HSPD1: variants seen among roughly 807,000 people sequenced by gnomAD.
The protein encoded by HSPD1 is heat shock protein family D (Hsp60) member 1, also known as 60 kDa heat shock protein, mitochondrial.
HSPD1 carries 3 observed loss-of-function variants against 53.0 expected under a neutral mutation model. The observed-to-expected ratio is 0.06, with a 90% CI of 0.03 to 0.15. HSPD1 has a LOEUF of 0.15. HSPD1 is among the 10% of genes least tolerant of loss of function. The pLI is 1.00. For missense variants in HSPD1, 431 were observed against 694.1 expected, an observed-to-expected ratio of 0.62 and a Z score of 4.26; for synonymous variants, 200 against 228.0, an observed-to-expected ratio of 0.88 and a Z score of 1.10.
intron 6 of HSPD1, 115 bp downstream of exon 6, chr2:197,494,042 C>T (rs1574600802): frequency 6.4e-6 from 4 of 626,688 alleles, no homozygotes; most frequent in East Asian, 2.9e-5. Flanking sequence ...GCGGAGGTTG[C>T]AGTGAGCAAC....
Position 197,487,320 on chromosome 2 carries a change from G to A in HSPD1, c.1570-122C>T. On this transcript the variant is annotated intron_variant, in intron 11 of 11. Coordinates refer to ENST00000388968, the MANE Select transcript of HSPD1 (RefSeq NM_002156.5). ...CCAGCACTTTGGGAGGCTGAGGCAG[G>A]TAGATGACTTGAGGTTAGGAGTTCA... 3.6e-6 allele frequency: 3 copies of A among 836,036 alleles called. No individual in the cohort carries two copies. The South Asian group carries it at 4.4e-5, about 12-fold the overall frequency. The allele number at this position is 836,036 out of a possible 1,614,324, so 51.8% of individuals were successfully genotyped here. A position where few individuals can be genotyped will look rare whatever the true frequency, so the allele number is the denominator to read the frequency against.
At chr2:197,496,030 A>AG (rs1488513660) in intron 3 of HSPD1, among the ~76,000 whole-genome samples, 3 of 152,322 alleles carry the variant, frequency 2.0e-5, no homozygotes, top group African/African-American at 7.2e-5. Flanking sequence ...ATGATGCAAA[A>AG]AAGGACCAAA....
In HSPD1 at chr2:197,497,526, G is replaced by C. The variant is rs180881489; in HGVS notation, c.175-134C>G. 4.6e-6 allele frequency: 4 copies of C among 870,456 alleles called. No individual in the cohort carries two copies. The East Asian group carries it at 1.0e-4, about 22-fold the overall frequency. The allele number at this position is 870,456 out of a possible 1,614,324, so 53.9% of individuals were successfully genotyped here. A position where few individuals can be genotyped will look rare whatever the true frequency, so the allele number is the denominator to read the frequency against. Reference sequence around the variant, plus strand: ...TTGTGTCATTTTTATCAGTCTTGCAGCATGAACCTCAAGGGCAAGTTTATC... The same window carrying C: ...TTGTGTCATTTTTATCAGTCTTGCACCATGAACCTCAAGGGCAAGTTTATC... On this transcript the variant is annotated intron_variant, in intron 2 of 11. Transcript: ENST00000388968.
In HSPD1 at chr2:197,487,730, C is replaced by T. The variant is rs2086043822; in HGVS notation, c.1569+128G>A. ...TGTACATGAGAATTGTTGATGGGCA[C>T]AAGAGCTATTGCTGTTGCTACTGCT... On this transcript the variant is annotated intron_variant, in intron 11 of 11. Transcript: ENST00000388968. 4 of 738,732 alleles carry T rather than the reference C, an allele frequency of 5.4e-6. No homozygotes were observed. The East Asian group carries it at 1.1e-4, about 20-fold the overall frequency. 45.8% of individuals were successfully genotyped at this position (738,732 alleles called of 1,614,324 possible).
chr2:197,496,363 C>T (rs2086156907), intron 3 of HSPD1, among the ~76,000 whole-genome samples: 1 of 151,998 alleles, frequency 6.6e-6, no homozygotes, highest in South Asian at 2.1e-4. Flanking sequence ...TTCACTTGGC[C>T]CATAAACACT....
intron 4 of HSPD1, 197 bp from the exon 5 acceptor site, chr2:197,494,949 G>A (rs1466888392): frequency 3.2e-6 from 2 of 617,992 alleles, no homozygotes; most frequent in Non-Finnish European, 5.8e-6. Flanking sequence ...TTGTTTTGAA[G>A]AATATGATAC....
At position 197,489,240 on chromosome 2, in the gene HSPD1, C is replaced by G. The variant is rs370073151; in HGVS notation, c.977G>C (p.Gly326Ala). Residue 326 changes from glycine (G) to alanine (A), a missense_variant, in exon 9 of 12, where the codon GGA becomes GCA. Gly to Ala is a moderately conservative substitution (Grantham distance 60). Transcript: ENST00000388968. ...MAIATGGAVFGEEGLTLNLED... is the reference protein window; with the variant it reads ...MAIATGGAVFAEEGLTLNLED... ...AAGATTCAGGGTCAATCCCTCTTCT[C>G]CAAACACCTACAAAAAGAGTTAAAC... is the stretch of plus-strand genomic sequence containing the variant. The G allele has an allele frequency of 9.3e-6, 15 of 1,614,068 alleles. No individual in the cohort carries two copies. Among genetic ancestry groups the G allele is most frequent in the East Asian group, 6.7e-5 (3 of 44,898 alleles).
chr2:197,495,484 AAAAAAT>A, intron 3 of HSPD1, 108 bp from the exon 4 acceptor site: 1 of 828,006 alleles, frequency 1.2e-6, no homozygotes, highest in East Asian at 2.6e-5. Context: ...AACTTAAAAA[AAAAAAT>A]TTTTTTTTTT....
rs1452422627 is a variant in HSPD1, at chr2:197,488,510, CCA to C, written c.1216-21_1216-20del. On this transcript the variant is annotated intron_variant, in intron 9 of 11. Transcript: ENST00000388968. Reference sequence around the variant, plus strand: ...CACCAACCTAAAGACGAAAAGAATTCCAGTTAGTATGGCCTCTTCATTCAAGA... The same window carrying C: ...CACCAACCTAAAGACGAAAAGAATTCGTTAGTATGGCCTCTTCATTCAAGA... The C allele has an allele frequency of 6.2e-7, 1 of 1,608,610 alleles. No homozygotes were observed. The highest frequency in any genetic ancestry group is 8.5e-7 in the Non-Finnish European group (1 of 1,175,148).
At chr2:197,493,023 A>G (rs763654230) in intron 7 of HSPD1, among the ~76,000 whole-genome samples, 1 of 152,128 alleles carries the variant, frequency 6.6e-6, no homozygotes. Flanking sequence ...AAAAAATACA[A>G]GATTCAGTCA....
intron 3 of HSPD1, 40 bp from the exon 4 acceptor site, chr2:197,495,416 T>G: frequency 8.3e-7 from 1 of 1,211,462 alleles, no homozygotes; most frequent in Non-Finnish European, 1.2e-6. Context: ...TTTATTTCTC[T>G]CATGGCTTCT....
rs543860374 is a variant in HSPD1 at position 197,493,758 on chromosome 2, A to G, written c.701-266T>C. ...AGCAGGCAGATGACTTGAGGCCAGG[A>G]ATTCAAAACCAGCCTGGCCAACATG... On this transcript the variant is annotated intron_variant, in intron 6 of 11. Coordinates refer to ENST00000388968, the MANE Select transcript of HSPD1 (RefSeq NM_002156.5). 2.0e-5 allele frequency among the ~76,000 whole-genome samples: 3 copies of G among 152,340 alleles called. No homozygotes were observed. The South Asian group carries it at 6.2e-4, about 32-fold the overall frequency.
chr2:197,497,249 A>C lies in HSPD1; in HGVS notation c.318T>G (p.Asn106Lys). 6.2e-7 allele frequency: 1 copy of C among 1,614,052 alleles called. No homozygotes were observed. The highest frequency in any genetic ancestry group is 8.5e-7 in the Non-Finnish European group (1 of 1,179,952). The change falls in exon 3 of 12, where the codon AAT becomes AAG. Residue 106 changes from asparagine (N) to lysine (K), a missense_variant. By Grantham distance (94) the Asn-to-Lys change is moderately conservative. Coordinates refer to ENST00000388968, the MANE Select transcript of HSPD1 (RefSeq NM_002156.5). ...TGGTAGTGCCATCCCCAGCTTCTTC[A>C]TTTGTGTTATTGGCAACATCTTGAA... Reference protein sequence around the residue: ...KLVQDVANNTNEEAGDGTTTA... With the variant: ...KLVQDVANNTKEEAGDGTTTA...
At chr2:197,490,434 G>A in intron 7 of HSPD1, 138 bp from the exon 8 acceptor site, 1 of 653,982 alleles carries the variant, frequency 1.5e-6, no homozygotes, top group South Asian at 1.8e-5. Context: ...TTTTTTTTTT[G>A]CTTCCTAGCA....
chr2:197,496,243 A>G (rs1005931789), intron 3 of HSPD1, among the ~76,000 whole-genome samples: 1 of 152,186 alleles, frequency 6.6e-6, no homozygotes, highest in African/African-American at 2.4e-5. Flanking sequence ...CTCTTGTTTG[A>G]GAACTGTTAC....
chr2:197,494,727 T>C lies in HSPD1; in HGVS notation c.536A>G (p.Asp179Gly). The C allele has an allele frequency of 6.2e-7, 1 of 1,613,062 alleles. No individual in the cohort carries two copies. The highest frequency in any genetic ancestry group is 8.5e-7 in the Non-Finnish European group (1 of 1,179,084). The change falls in exon 5 of 12, where the codon GAC becomes GGC. Residue 179 changes from aspartate to glycine, a missense_variant. By Grantham distance (94) the Asp-to-Gly change is moderately conservative (BLOSUM62 -1). This residue lies in a region of HSPD1 where 386 missense variants were observed against 657.6 expected (regional missense o/e 0.59). Transcript: ENST00000388968. ...AQVATISANGDKEIGNIISDA... is the reference protein window; with the variant it reads ...AQVATISANGGKEIGNIISDA... ...AGAGATGATATTGCCAATTTCTTTGTCTCCGTTTGCAGAAATCGTAGCAAC... is the reference window on the plus strand; with the variant it reads ...AGAGATGATATTGCCAATTTCTTTGCCTCCGTTTGCAGAAATCGTAGCAAC...
chr2:197,498,978 C>T (rs1574605096), intron 1 of HSPD1, 128 bp from the exon 2 acceptor site: 2 of 852,848 alleles, frequency 2.3e-6, no homozygotes, highest in Non-Finnish European at 3.9e-6. Context: ...CCAGCCACTA[C>T]GCCTGAATGA....
At chr2:197,493,148 A>C (rs2086115102) in intron 7 of HSPD1, among the ~76,000 whole-genome samples, 176 bp downstream of exon 7, 1 of 152,238 alleles carries the variant, frequency 6.6e-6, no homozygotes, top group African/African-American at 2.4e-5. Flanking sequence ...GGGTTCCTTC[A>C]AAAACACAAC....
chr2:197,499,987 G>A (rs67255036), upstream of HSPD1: 719 of 160,150 alleles, frequency 4.5e-3, 5 homozygotes, highest in South Asian at 9.1e-3. Context: ...CGCGAGCCCC[G>A]CCCCTCCCTA....
Sources: allele counts gnomAD v4.1 joint callset (sites outside exome capture counted in the v4.1 genomes callset), GRCh38; gene constraint gnomAD v4.1.1; regional missense constraint gnomAD v4.1.1; transcripts MANE v1.5; gene names NCBI Gene and HGNC (gene_info 2026-07-23, HGNC 2026-07-21).